Variants in RASEF observed in about 807,000 individuals in gnomAD.
RASEF encodes the protein ras and EF-hand domain-containing protein.
Under a neutral mutation model 90.1 loss-of-function variants are expected in RASEF, and 68 were observed. The observed-to-expected ratio is 0.75, with a 90% CI of 0.62 to 0.92. The LOEUF is 0.92. Ranked by LOEUF, RASEF falls within the 40% of genes least tolerant of loss-of-function variation. RASEF has a pLI of 0.00. For synonymous variants in RASEF, 331 were observed against 345.2 expected (o/e 0.96, Z 0.46); for missense variants, 949 against 937.2 (o/e 1.01, Z -0.16).
At chr9:83,005,609 C>T in intron 7 of RASEF, 109 bp from the exon 8 acceptor site, 2 of 802,078 alleles carry the variant, frequency 2.5e-6, no homozygotes, top group Non-Finnish European at 4.3e-6. Flanking sequence ...AATAGCTTAT[C>T]ATCTTCTGCA....
chr9:83,121,874 C>T, the RASEF span, among the ~76,000 whole-genome samples: 1 of 152,126 alleles, frequency 6.6e-6, no homozygotes, highest in Non-Finnish European at 1.5e-5. Context: ...ACAAGTTATC[C>T]CACTTACCAT....
chr9:83,122,785 C>A, the RASEF span, among the ~76,000 whole-genome samples: 2 of 152,078 alleles, frequency 1.3e-5, no homozygotes, highest in African/African-American at 4.8e-5. Flanking sequence ...AATTTTATAG[C>A]CTAAATAATG....
the RASEF span, among the ~76,000 whole-genome samples, chr9:83,164,352 T>C: frequency 2.1e-5 from 3 of 139,886 alleles, no homozygotes; most frequent in East Asian, 5.9e-4. Context: ...TGTGTGTATA[T>C]ATATATATAT....
At chr9:83,168,158 A>G in the RASEF span, among the ~76,000 whole-genome samples, 1 of 152,080 alleles carries the variant, frequency 6.6e-6, no homozygotes, top group Non-Finnish European at 1.5e-5. Context: ...GCACATCCCT[A>G]TCAACACTTG....
At chr9:83,037,498 C>A (rs889706492) in intron 1 of RASEF, among the ~76,000 whole-genome samples, 1 of 151,922 alleles carries the variant, frequency 6.6e-6, no homozygotes, top group Non-Finnish European at 1.5e-5. Flanking sequence ...TATATTTTTA[C>A]CAAATTAAGA....
At chr9:83,188,900 A>G in the RASEF span, among the ~76,000 whole-genome samples, 1 of 152,252 alleles carries the variant, frequency 6.6e-6, no homozygotes, top group African/African-American at 2.4e-5. Context: ...ACTGTCCACA[A>G]ATATTACTAT....
the RASEF span, among the ~76,000 whole-genome samples, chr9:83,148,677 T>A: frequency 6.6e-6 from 1 of 152,226 alleles, no homozygotes; most frequent in Non-Finnish European, 1.5e-5. Context: ...TGGAAACTGA[T>A]ACGATGTGGA....
At chr9:82,983,138 C>G (rs901463388) in intron 16 of RASEF, among the ~76,000 whole-genome samples, 2 of 151,314 alleles carry the variant, frequency 1.3e-5, no homozygotes, top group African/African-American at 2.4e-5. Context: ...CACACACACA[C>G]ACACACACAC....
the RASEF span, among the ~76,000 whole-genome samples, chr9:83,119,007 TC>T: frequency 6.7e-5 from 8 of 120,174 alleles, no homozygotes; most frequent in Non-Finnish European, 1.2e-4. Context: ...CTTTTTCTTT[TC>T]TTTTTTTTTT....
chr9:83,096,095 C>A, the RASEF span, among the ~76,000 whole-genome samples: 1 of 152,142 alleles, frequency 6.6e-6, no homozygotes, highest in Non-Finnish European at 1.5e-5. Flanking sequence ...ATCTGTAGAA[C>A]AAGAATTGGA....
intron 1 of RASEF, among the ~76,000 whole-genome samples, chr9:83,029,541 CACCACCACACCAA>C (rs1829606605): frequency 6.6e-6 from 1 of 150,816 alleles, no homozygotes; most frequent in South Asian, 2.1e-4. Context: ...TACAGGAGCC[CACCACCACACCAA>C]ACTAATTTTT....
chr9:83,127,323 C>A, the RASEF span, among the ~76,000 whole-genome samples: 2 of 152,126 alleles, frequency 1.3e-5, no homozygotes, highest in African/African-American at 4.8e-5. Context: ...GAAGGAGATG[C>A]TTTTTTCTGT....
At chr9:83,058,176 T>C (rs1161120652) in intron 1 of RASEF, among the ~76,000 whole-genome samples, 3 of 113,652 alleles carry the variant, frequency 2.6e-5, no homozygotes, top group African/African-American at 1.1e-4. Context: ...TTATGTCTTT[T>C]TTTTTTTTTT....
Position 83,018,758 on chromosome 9 carries a change from T to C in RASEF, c.670-2858A>G, listed in dbSNP as rs184416462. ...ATCAAGACTTATAAACCAACAGGTA[T>C]CAAGACATTATAAACCAATAGGTAT... On this transcript the variant is annotated intron_variant, in intron 3 of 16. Coordinates refer to ENST00000376447, the MANE Select transcript of RASEF (RefSeq NM_152573.4). Among the ~76,000 whole-genome samples the C allele has an allele frequency of 2.6e-3, 402 of 152,100 alleles. 3 individuals are homozygous for C. The highest frequency in any genetic ancestry group is 6.8e-3 in the Middle Eastern group (2 of 294).
Position 83,022,318 on chromosome 9 carries a change from GC to G in RASEF, c.669+17del. 6 of 1,601,340 alleles carry G rather than the reference GC, an allele frequency of 3.7e-6. No individual in the cohort carries two copies. Among genetic ancestry groups the G allele is most frequent in the Non-Finnish European group, 5.1e-6 (6 of 1,168,962 alleles). On this transcript the variant is annotated intron_variant, in intron 3 of 16. Transcript: ENST00000376447. ...CTCATAAAGATCTGCTGAATGAATG[GC>G]CAACCCAGAAACTCACGTCTTTCCG...
At chr9:83,177,995 TC>T in the RASEF span, among the ~76,000 whole-genome samples, 1 of 152,150 alleles carries the variant, frequency 6.6e-6, no homozygotes, top group African/African-American at 2.4e-5. Context: ...GCTTACTAAT[TC>T]TTTCTTTTGC....
At chr9:83,036,462 T>C (rs181566325) in intron 1 of RASEF, among the ~76,000 whole-genome samples, 7 of 152,348 alleles carry the variant, frequency 4.6e-5, no homozygotes, top group East Asian at 3.9e-4. Context: ...CTCAGAGCAA[T>C]GGAGAGTACC....
At chr9:83,016,389 G>C (rs912493922) in intron 3 of RASEF, among the ~76,000 whole-genome samples, 19 of 151,708 alleles carry the variant, frequency 1.3e-4, no homozygotes, top group African/African-American at 4.4e-4. Flanking sequence ...TACTTCTCGG[G>C]GGTGTCCCTT....
At chr9:83,031,629 G>C (rs1829648808) in intron 1 of RASEF, among the ~76,000 whole-genome samples, 1 of 152,056 alleles carries the variant, frequency 6.6e-6, no homozygotes, top group Non-Finnish European at 1.5e-5. Flanking sequence ...CAGTTTTCAG[G>C]GGTCTTAAGT....
Sources: gnomAD v4.1 joint callset for allele counts (sites outside exome capture counted in the v4.1 genomes callset) on GRCh38, gnomAD v4.1.1 for gene constraint, MANE v1.5 for transcripts, NCBI Gene and HGNC (gene_info 2026-07-23, HGNC 2026-07-21) for gene names.